Variants in SLC24A3 observed in about 807,000 individuals in gnomAD.
SLC24A3 encodes solute carrier family 24 member 3.
A neutral mutation model predicts 75.8 loss-of-function variants in SLC24A3; 28 were observed. The observed-to-expected ratio is 0.37, with a 90% CI of 0.27 to 0.51. SLC24A3 has a LOEUF of 0.51. Among genes scored for constraint, SLC24A3 ranks in the 20% least tolerant of loss-of-function variants. The pLI, the probability that SLC24A3 is intolerant of heterozygous loss-of-function variation, is 0.94. For missense variants in SLC24A3, 663 were observed against 847.8 expected, an observed-to-expected ratio of 0.78 and a Z score of 2.71; for synonymous variants, 372 against 334.1, an observed-to-expected ratio of 1.11 and a Z score of -1.24.
chr20:19,312,676 A>ATTGTT (rs1764777328), intron 2 of SLC24A3, among the ~76,000 whole-genome samples: 1 of 152,082 alleles, frequency 6.6e-6, no homozygotes, highest in Non-Finnish European at 1.5e-5. Flanking sequence ...TTGATGTTTT[A>ATTGTT]TTGTTTTGTT....
At chr20:19,470,024 G>T (rs577046928) in intron 2 of SLC24A3, among the ~76,000 whole-genome samples, 1 of 152,138 alleles carries the variant, frequency 6.6e-6, no homozygotes. Flanking sequence ...CTTGAGAACC[G>T]CCGGCAAGCT....
At chr20:19,542,812 A>T (rs1029902762) in intron 3 of SLC24A3, among the ~76,000 whole-genome samples, 1 of 152,168 alleles carries the variant, frequency 6.6e-6, no homozygotes, top group Non-Finnish European at 1.5e-5. Context: ...CTTTCAGAAG[A>T]CAACCATACA....
At chr20:19,698,098 C>A (rs150605750) in intron 14 of SLC24A3, among the ~76,000 whole-genome samples, 23 of 152,162 alleles carry the variant, frequency 1.5e-4, no homozygotes, top group African/African-American at 5.3e-4. Flanking sequence ...ACAGCAGGAG[C>A]AAGAGGGTGG....
At position 19,505,215 on chromosome 20, in the gene SLC24A3, T is replaced by G. The variant is rs1431606113; in HGVS notation, c.272-10273T>G. Among the ~76,000 whole-genome samples, 4 of 152,298 alleles carry G rather than the reference T, an allele frequency of 2.6e-5. No individual in the cohort carries two copies. In the Middle Eastern group the frequency reaches 0.01, roughly 389 times the overall value. Reference sequence around the variant, plus strand: ...AGCTCTTAAGTGGGAACCAAGGGGCTTCTCATGATGTTGGATCAACTTCAG... The same window carrying G: ...AGCTCTTAAGTGGGAACCAAGGGGCGTCTCATGATGTTGGATCAACTTCAG... On this transcript the variant is annotated intron_variant, in intron 2 of 16. Transcript: ENST00000328041.
chr20:19,362,668 C>T (rs913525033), intron 2 of SLC24A3, among the ~76,000 whole-genome samples: 3 of 152,150 alleles, frequency 2.0e-5, no homozygotes, highest in Non-Finnish European at 4.4e-5. Flanking sequence ...GACCACCAAC[C>T]ATGTGGGTCT....
chr20:19,473,448 G>C (rs755609629), intron 2 of SLC24A3, among the ~76,000 whole-genome samples: 3 of 152,226 alleles, frequency 2.0e-5, no homozygotes, highest in Admixed American at 6.5e-5. Context: ...GGTGGCGGTG[G>C]TAATAACAAC....
intron 2 of SLC24A3, among the ~76,000 whole-genome samples, chr20:19,504,484 G>A (rs1003326394): frequency 2.0e-5 from 3 of 152,190 alleles, no homozygotes; most frequent in Admixed American, 1.3e-4. Context: ...TATTTCAAGT[G>A]CATTTTTTTT....
At chr20:19,681,189 A>C (rs2032611641) in intron 9 of SLC24A3, among the ~76,000 whole-genome samples, 1 of 152,208 alleles carries the variant, frequency 6.6e-6, no homozygotes, top group South Asian at 2.1e-4. Context: ...CATCTAAGGA[A>C]CACTGCACAA....
At chr20:19,424,860 A>T (rs1600475706) in intron 2 of SLC24A3, among the ~76,000 whole-genome samples, 1 of 152,082 alleles carries the variant, frequency 6.6e-6, no homozygotes. Flanking sequence ...CTGAAAATAT[A>T]TTGAACGTAT....
At chr20:19,386,072 A>G (rs925417292) in intron 2 of SLC24A3, among the ~76,000 whole-genome samples, 1 of 152,094 alleles carries the variant, frequency 6.6e-6, no homozygotes, top group Non-Finnish European at 1.5e-5. Context: ...CTTTCCATTT[A>G]TGTGTGTATT....
intron 7 of SLC24A3, 129 bp from the exon 8 acceptor site, chr20:19,665,734 AC>A: frequency 1.6e-6 from 2 of 1,246,516 alleles, no homozygotes; most frequent in Non-Finnish European, 1.1e-6. Context: ...TCCCAGGACA[AC>A]CCAGTCCTGA....
At chr20:19,312,297 C>T (rs1028861467) in intron 2 of SLC24A3, among the ~76,000 whole-genome samples, 14 of 152,026 alleles carry the variant, frequency 9.2e-5, no homozygotes, top group African/African-American at 2.7e-4. Flanking sequence ...TAGCCCAAGG[C>T]GCAGGGGACA....
chr20:19,571,859 T>A (rs948695389), intron 3 of SLC24A3, among the ~76,000 whole-genome samples: 1 of 152,170 alleles, frequency 6.6e-6, no homozygotes, highest in Non-Finnish European at 1.5e-5. Context: ...CCATTTTGAT[T>A]TAAAATTGTA....
At chr20:19,555,175 G>A (rs2030762946) in intron 3 of SLC24A3, among the ~76,000 whole-genome samples, 1 of 152,132 alleles carries the variant, frequency 6.6e-6, no homozygotes, top group African/African-American at 2.4e-5. Context: ...CATGCTTAGT[G>A]TTGAGCTAAG....
At chr20:19,381,125 C>T (rs76763833) in intron 2 of SLC24A3, among the ~76,000 whole-genome samples, 6,944 of 152,252 alleles carry the variant, frequency 0.046, 529 homozygotes, top group African/African-American at 0.16. Flanking sequence ...CAGAAGTGTC[C>T]TATATTGCTC....
At chr20:19,227,892 CCTT>C (rs1484767411) in intron 1 of SLC24A3, among the ~76,000 whole-genome samples, 1 of 152,078 alleles carries the variant, frequency 6.6e-6, no homozygotes, top group African/African-American at 2.4e-5. Flanking sequence ...TTCTCCAAAT[CCTT>C]CTAGGTTTTG....
Position 19,611,017 on chromosome 20 carries a change from G to A in SLC24A3, c.612+25473G>A, listed in dbSNP as rs1247705078. On this transcript the variant is annotated intron_variant, in intron 6 of 16. Transcript: ENST00000328041. ...ACATCACAGAAACACACTGCAGAGG[G>A]CACAGCGTCCACTCTTCTACACTCA... Among the ~76,000 whole-genome samples the A allele has an allele frequency of 3.9e-5, 6 of 152,164 alleles. 1 individual carries two copies. Among genetic ancestry groups the A allele is most frequent in the Non-Finnish European group, 7.4e-5 (5 of 68,024 alleles).
intron 2 of SLC24A3, among the ~76,000 whole-genome samples, chr20:19,446,648 C>A (rs946577382): frequency 1.3e-5 from 2 of 152,154 alleles, no homozygotes; most frequent in African/African-American, 4.8e-5. Flanking sequence ...AGAATGTCTG[C>A]CTACAGGGAA....
intron 1 of SLC24A3, among the ~76,000 whole-genome samples, chr20:19,260,602 T>C (rs762660920): frequency 7.2e-5 from 11 of 152,228 alleles, no homozygotes; most frequent in Non-Finnish European, 1.5e-4. Context: ...CGAGATACAA[T>C]TTCTCAGTTC....
Sources: allele counts gnomAD v4.1 joint callset (sites outside exome capture counted in the v4.1 genomes callset), GRCh38; gene constraint gnomAD v4.1.1; transcripts MANE v1.5; gene names NCBI Gene and HGNC (gene_info 2026-07-23, HGNC 2026-07-21).